Variants in GALNT10 observed in about 807,000 individuals in gnomAD.
GALNT10 encodes polypeptide N-acetylgalactosaminyltransferase 10, also known as GalNAc transferase 10.
GALNT10 carries 41 observed loss-of-function variants against 75.0 expected under a neutral mutation model. That is an observed-to-expected ratio of 0.55 (90% CI 0.43 to 0.71). The LOEUF (loss-of-function observed/expected upper bound fraction) is 0.71. GALNT10 is among the 30% of genes least tolerant of loss of function. The pLI, the probability that GALNT10 is intolerant of heterozygous loss-of-function variation, is 0.00. For missense variants in GALNT10, 727 were observed against 818.5 expected (o/e 0.89, Z 1.36); for synonymous variants, 302 against 313.0 (o/e 0.96, Z 0.37).
chr5:154,210,933 A>C (rs1775186909), intron 1 of GALNT10, among the ~76,000 whole-genome samples: 1 of 152,218 alleles, frequency 6.6e-6, no homozygotes, highest in African/African-American at 2.4e-5. Context: ...CAAATGGCTT[A>C]GAAAAAAATT....
chr5:154,229,369 T>A (rs1037847127), intron 1 of GALNT10, among the ~76,000 whole-genome samples: 1 of 152,230 alleles, frequency 6.6e-6, no homozygotes, highest in Non-Finnish European at 1.5e-5. Flanking sequence ...CTCTTTTAGA[T>A]TATTTAGTAT....
chr5:154,278,218 G>T (rs947731739), intron 1 of GALNT10, among the ~76,000 whole-genome samples: 1 of 151,038 alleles, frequency 6.6e-6, no homozygotes, highest in Non-Finnish European at 1.5e-5. Context: ...AAACTGGATT[G>T]CACACTGCCA....
intron 4 of GALNT10, chr5:154,337,654 T>C: frequency 2.0e-6 from 2 of 996,370 alleles, no homozygotes; most frequent in Non-Finnish European, 3.2e-6. Context: ...TCATTGTAGC[T>C]TCCATCACCT....
At chr5:154,361,127 C>T (rs1226522560) in intron 4 of GALNT10, among the ~76,000 whole-genome samples, 1 of 151,810 alleles carries the variant, frequency 6.6e-6, no homozygotes, top group African/African-American at 2.4e-5. Context: ...GAATGTCCAC[C>T]CTGGTGAGCT....
At chr5:154,263,928 C>T (rs985512985) in intron 1 of GALNT10, among the ~76,000 whole-genome samples, 1 of 152,070 alleles carries the variant, frequency 6.6e-6, no homozygotes, top group African/African-American at 2.4e-5. Context: ...AATTAGATAG[C>T]GTTGATGTTT....
chr5:154,360,023 G>A (rs1323172286), intron 4 of GALNT10, among the ~76,000 whole-genome samples: 1 of 151,890 alleles, frequency 6.6e-6, no homozygotes, highest in Non-Finnish European at 1.5e-5. Context: ...TACACCATGA[G>A]CATACGTAAA....
intron 6 of GALNT10, among the ~76,000 whole-genome samples, chr5:154,382,723 G>A (rs951565667): frequency 1.3e-5 from 2 of 152,140 alleles, no homozygotes; most frequent in African/African-American, 2.4e-5. Context: ...TAACCAAGGG[G>A]GTAATTAGAA....
intron 4 of GALNT10, among the ~76,000 whole-genome samples, chr5:154,359,214 G>A (rs142278296): frequency 2.6e-5 from 4 of 152,198 alleles, no homozygotes; most frequent in Admixed American, 6.5e-5. Flanking sequence ...ACAGCCATCC[G>A]CAGAGGCAGC....
intron 1 of GALNT10, among the ~76,000 whole-genome samples, chr5:154,264,832 A>T (rs1753754699): frequency 6.6e-6 from 1 of 152,028 alleles, no homozygotes; most frequent in South Asian, 2.1e-4. Flanking sequence ...AGCCGTACAG[A>T]CCCCCACTTA....
intron 1 of GALNT10, among the ~76,000 whole-genome samples, chr5:154,226,448 C>G (rs1753065874): frequency 1.3e-5 from 2 of 152,168 alleles, no homozygotes; most frequent in Admixed American, 1.3e-4. Flanking sequence ...CTCTCCTGTT[C>G]TTGCTGGGTA....
rs1010802384 is a variant in GALNT10, at chr5:154,300,315, C to G, written c.401+2236C>G. 6.6e-5 allele frequency among the ~76,000 whole-genome samples: 10 copies of G among 152,244 alleles called. No individual in the cohort carries two copies. In the South Asian group the frequency reaches 1.5e-3, roughly 22 times the overall value. On this transcript the variant is annotated intron_variant, in intron 3 of 11. Coordinates refer to ENST00000297107, the MANE Select transcript of GALNT10 (RefSeq NM_198321.4). ...TTTCTGAATCTAGGAAAGAAGTTCA[C>G]CTGGGGAGTTCATTCATTGTTCTCT...
intron 1 of GALNT10, among the ~76,000 whole-genome samples, chr5:154,207,956 CG>C (rs1442028792): frequency 6.6e-6 from 1 of 151,996 alleles, no homozygotes; most frequent in Non-Finnish European, 1.5e-5. Flanking sequence ...TGAAAGAGAT[CG>C]GGAGGCCATG....
At chr5:154,236,218 C>G (rs1179507181) in intron 1 of GALNT10, among the ~76,000 whole-genome samples, 1 of 152,120 alleles carries the variant, frequency 6.6e-6, no homozygotes, top group East Asian at 1.9e-4. Context: ...CCTCCTGGAA[C>G]CTGAATTTTC....
At chr5:154,372,616 G>A (rs769356307) in intron 4 of GALNT10, among the ~76,000 whole-genome samples, 30 of 152,214 alleles carry the variant, frequency 2.0e-4, no homozygotes, top group Non-Finnish European at 3.8e-4. Context: ...AGGCAGCACT[G>A]CGGGCGGCTA....
intron 1 of GALNT10, among the ~76,000 whole-genome samples, chr5:154,263,254 T>C (rs1753727243): frequency 6.6e-6 from 1 of 152,228 alleles, no homozygotes; most frequent in African/African-American, 2.4e-5. Context: ...CTGAAATGTC[T>C]ACTTATGAGT....
intron 1 of GALNT10, among the ~76,000 whole-genome samples, chr5:154,290,928 G>C (rs771572045): frequency 6.6e-6 from 1 of 152,172 alleles, no homozygotes; most frequent in South Asian, 2.1e-4. Flanking sequence ...TAGCAGCTGC[G>C]TGCTTAGACA....
chr5:154,382,342 T>C (rs923070803), intron 6 of GALNT10, among the ~76,000 whole-genome samples: 2 of 152,246 alleles, frequency 1.3e-5, no homozygotes, highest in African/African-American at 4.8e-5. Flanking sequence ...TCTTGGCCTC[T>C]TGAACACAGT....
At chr5:154,314,922 T>C (rs1434491419) in intron 3 of GALNT10, among the ~76,000 whole-genome samples, 1 of 152,006 alleles carries the variant, frequency 6.6e-6, no homozygotes, top group Non-Finnish European at 1.5e-5. Flanking sequence ...GATGGTGAAG[T>C]GCTGTGAACT....
At position 154,324,843 on chromosome 5, in the gene GALNT10, T is replaced by C. The variant is rs140785895; in HGVS notation, c.402-4729T>C. ...CCTCTTCTGAACTAAAGCTAAATCA[T>C]AGAGTTTATTGAAATGAAATTGATA... On this transcript the variant is annotated intron_variant, in intron 3 of 11. Transcript: ENST00000297107. Among the ~76,000 whole-genome samples the C allele has an allele frequency of 6.0e-4, 92 of 152,272 alleles. No homozygotes were observed. The East Asian group carries it at 0.016, about 27-fold the overall frequency.
Sources: allele counts gnomAD v4.1 joint callset (sites outside exome capture counted in the v4.1 genomes callset), GRCh38; gene constraint gnomAD v4.1.1; transcripts MANE v1.5; gene names NCBI Gene and HGNC (gene_info 2026-07-23, HGNC 2026-07-21).